Variants in RNF17 observed in about 807,000 individuals in gnomAD.
RNF17 encodes the protein spermatogenesis associated 23.
In RNF17, 31 loss-of-function variants were observed where a neutral mutation model predicts 200.5. That is an observed-to-expected ratio of 0.15 (90% CI 0.12 to 0.21). RNF17 has a LOEUF of 0.21. RNF17 is among the 10% of genes least tolerant of loss of function. The probability of loss-of-function intolerance (pLI) is 1.00; values close to 1 mark genes in which losing one functional copy is unlikely to be tolerated. For synonymous variants in RNF17, 606 were observed against 637.8 expected, an observed-to-expected ratio of 0.95 and a Z score of 0.75; for missense variants, 1,628 against 1,905.1, an observed-to-expected ratio of 0.85 and a Z score of 2.71.
At chr13:24,886,104 A>G in the RNF17 span, 379,363 of 388,200 alleles carry the variant, frequency 0.98, 185,627 homozygotes, top group Non-Finnish European at 1. Flanking sequence ...ATACTGTACC[A>G]GCAACATATA....
In RNF17 at chr13:24,774,815, T is replaced by G; in HGVS notation, c.228T>G (p.Val76=). 6.2e-7 allele frequency: 1 copy of G among 1,603,178 alleles called. No homozygotes were observed. The highest frequency in any genetic ancestry group is 8.5e-7 in the Non-Finnish European group (1 of 1,172,000). ...TTTAAACCTTATTTTGTCCTAAGGT[T>G]GCTACAGCTGTAAATACTAGACAAC... The part of the protein sequence containing the change: ...CTTIICPDCE[V]ATAVNTRQRY... The change falls in exon 3 of 36, where the codon GTT becomes GTG. Residue 76 remains valine, a splice_region_variant and synonymous_variant. Transcript: ENST00000255324.
intron 31 of RNF17, 103 bp downstream of exon 31, chr13:24,868,819 A>ATG: frequency 1.4e-6 from 1 of 714,590 alleles, no homozygotes; most frequent in Non-Finnish European, 2.5e-6. Flanking sequence ...CTGATTTCAA[A>ATG]TGTTGCAAAT....
downstream of RNF17, chr13:24,883,912 T>A: frequency 6.2e-7 from 1 of 1,612,422 alleles, no homozygotes; most frequent in Non-Finnish European, 8.5e-7. Context: ...TGAGCACAGA[T>A]GAACAGGTGT....
intron 9 of RNF17, 67 bp downstream of exon 9, chr13:24,789,839 G>C (rs2137628640): frequency 1.1e-6 from 1 of 898,220 alleles, no homozygotes; most frequent in East Asian, 2.4e-5. Context: ...CTAAGAGACA[G>C]AAGAATTGAT....
intron 6 of RNF17, among the ~76,000 whole-genome samples, chr13:24,783,147 A>G (rs1290393173): frequency 1.3e-5 from 2 of 152,176 alleles, no homozygotes; most frequent in Non-Finnish European, 1.5e-5. Flanking sequence ...TGTTGAAAAG[A>G]TTGTCCTTTC....
intron 20 of RNF17, among the ~76,000 whole-genome samples, chr13:24,844,331 A>G (rs1891006634): frequency 1.3e-5 from 2 of 152,242 alleles, no homozygotes; most frequent in African/African-American, 4.8e-5. Context: ...GTGATAAGGG[A>G]AATAGAAAAA....
chr13:24,874,331 TAAAAG>T, intron 33 of RNF17, 82 bp downstream of exon 33: 1 of 1,243,998 alleles, frequency 8.0e-7, no homozygotes, highest in Non-Finnish European at 1.1e-6. Flanking sequence ...TTGCCTCTTT[TAAAAG>T]AAAAGGGTTA....
chr13:24,772,334 T>A (rs986332396), intron 2 of RNF17, among the ~76,000 whole-genome samples: 1 of 152,024 alleles, frequency 6.6e-6, no homozygotes, highest in Admixed American at 6.6e-5. Context: ...TACAATATAT[T>A]TTTCCATACG....
intron 16 of RNF17, chr13:24,826,233 A>C: frequency 3.6e-6 from 1 of 276,688 alleles, no homozygotes; most frequent in Non-Finnish European, 5.5e-6. Context: ...CATCCTCCTT[A>C]AGTAATTGAT....
Position 24,825,015 on chromosome 13 carries a change from CTA to C in RNF17, c.2092-602_2092-601del, listed in dbSNP as rs563194198. On this transcript the variant is annotated intron_variant, in intron 15 of 35. Coordinates refer to ENST00000255324, the MANE Select transcript of RNF17 (RefSeq NM_031277.3). Reference sequence around the variant, plus strand: ...GAAAATTCAGCAGATAGACCTTACTCTATGGAAGAATAAGCTAAATAGCAGCA... The same window carrying C: ...GAAAATTCAGCAGATAGACCTTACTCTGGAAGAATAAGCTAAATAGCAGCA... 4.1e-3 allele frequency among the ~76,000 whole-genome samples: 631 copies of C among 152,222 alleles called. 2 individuals are homozygous for C. Among genetic ancestry groups the C allele is most frequent in the Non-Finnish European group, 7.0e-3 (478 of 68,004 alleles).
chr13:24,847,589 G>A (rs1300837718), intron 22 of RNF17, among the ~76,000 whole-genome samples: 1 of 152,134 alleles, frequency 6.6e-6, no homozygotes, highest in African/African-American at 2.4e-5. Flanking sequence ...CAAGTGATGT[G>A]TCTGCCTCGG....
intron 1 of RNF17, among the ~76,000 whole-genome samples, chr13:24,765,060 GGCTGGAGTGCAGTGGCGCGA>G (rs1287423706): frequency 6.6e-6 from 1 of 152,058 alleles, no homozygotes; most frequent in African/African-American, 2.4e-5. Flanking sequence ...CTGTAGCCCA[GGCTGGAGTGCAGTGGCGCGA>G]TCTCGGCTCA....
chr13:24,811,979 TGAG>T (rs1310567359), intron 15 of RNF17, among the ~76,000 whole-genome samples: 3 of 152,010 alleles, frequency 2.0e-5, no homozygotes, highest in African/African-American at 7.2e-5. Flanking sequence ...GGGACCCACT[TGAG>T]GAGGCAGTCT....
chr13:24,777,972 T>C (rs564074195), intron 3 of RNF17, among the ~76,000 whole-genome samples: 1 of 152,234 alleles, frequency 6.6e-6, no homozygotes, highest in African/African-American at 2.4e-5. Context: ...TTTAAAATAA[T>C]GTACGTGGGC....
In RNF17 at chr13:24,831,998, G is replaced by A. The variant is rs1016880860; in HGVS notation, c.2482+20G>A. 4.7e-6 allele frequency: 7 copies of A among 1,475,384 alleles called. No individual in the cohort carries two copies. The highest frequency in any genetic ancestry group is 1.4e-5 in the African/African-American group (1 of 70,306). The allele number at this position is 1,475,384 out of a possible 1,614,324, so 91.4% of individuals were successfully genotyped here. ...TTATCAGTAAGTTCCATTTTTACTT[G>A]TTATGTAATCACATATAATTTTAAA... On this transcript the variant is annotated intron_variant, in intron 18 of 35. Coordinates refer to ENST00000255324, the MANE Select transcript of RNF17 (RefSeq NM_031277.3).
downstream of RNF17, chr13:24,884,138 G>A: frequency 6.7e-7 from 1 of 1,486,122 alleles, no homozygotes; most frequent in Non-Finnish European, 9.4e-7. Flanking sequence ...AGAATTTAAT[G>A]AGAGGGTGGA....
chr13:24,874,281 ATTTC>A (rs750850468), intron 33 of RNF17, 32 bp downstream of exon 33: 4 of 1,524,872 alleles, frequency 2.6e-6, no homozygotes, highest in South Asian at 1.3e-5. Flanking sequence ...GTTGAATTAG[ATTTC>A]TTTTTTTTTA....
chr13:24,835,877 G>C (rs1889937728), intron 18 of RNF17, among the ~76,000 whole-genome samples: 1 of 152,198 alleles, frequency 6.6e-6, no homozygotes, highest in South Asian at 2.1e-4. Context: ...GCTAATCAGG[G>C]AGAAAGGCGA....
chr13:24,812,708 G>A (rs1415909417), intron 15 of RNF17, among the ~76,000 whole-genome samples: 1 of 119,658 alleles, frequency 8.4e-6, no homozygotes, highest in Non-Finnish European at 1.6e-5. Context: ...TTGAGACGCA[G>A]TCTCGCTCTG....
Sources: gnomAD v4.1 joint callset for allele counts (sites outside exome capture counted in the v4.1 genomes callset) on GRCh38, gnomAD v4.1.1 for gene constraint, MANE v1.5 for transcripts, NCBI Gene and HGNC (gene_info 2026-07-23, HGNC 2026-07-21) for gene names.